Variants in LRP2 observed in about 807,000 individuals in gnomAD.
LRP2 encodes the protein low-density lipoprotein receptor-related protein 2.
Under a neutral mutation model 531.0 loss-of-function variants are expected in LRP2, and 172 were observed. The observed-to-expected ratio is 0.32, with a 90% CI of 0.29 to 0.37. The LOEUF is 0.37. LRP2 is among the 10% of genes least tolerant of loss of function. LRP2 has a pLI of 1.00. For missense variants in LRP2, 5,167 were observed against 5,868.3 expected (o/e 0.88, Z 3.90); for synonymous variants, 1,992 against 2,027.6 (o/e 0.98, Z 0.47).
At chr2:169,159,824 C>T (rs1330984724) in intron 63 of LRP2, among the ~76,000 whole-genome samples, 1 of 152,266 alleles carries the variant, frequency 6.6e-6, no homozygotes, top group Admixed American at 6.5e-5. Flanking sequence ...GTAATTTCCT[C>T]CTAGCTCTGA....
intron 1 of LRP2, among the ~76,000 whole-genome samples, chr2:169,344,859 TA>T (rs1175946125): frequency 6.6e-6 from 1 of 152,152 alleles, no homozygotes; most frequent in Non-Finnish European, 1.5e-5. Flanking sequence ...TAAAACCATA[TA>T]TTAAAAGTTT....
At chr2:169,346,484 G>A (rs146023882) in intron 1 of LRP2, among the ~76,000 whole-genome samples, 1 of 151,848 alleles carries the variant, frequency 6.6e-6, no homozygotes, top group South Asian at 2.1e-4. Context: ...CAATTGACTT[G>A]GGACATGTGT....
At position 169,247,004 on chromosome 2, in the gene LRP2, CGA is replaced by C; in HGVS notation, c.2909-20_2909-19del. The C allele has an allele frequency of 6.2e-7, 1 of 1,613,274 alleles. No homozygotes were observed. Among genetic ancestry groups the C allele is most frequent in the Non-Finnish European group, 8.5e-7 (1 of 1,179,858 alleles). On this transcript the variant is annotated intron_variant, in intron 20 of 78. Transcript: ENST00000649046. ...GTTAGAACCTGCAAAAGCAAAGCCC[CGA>C]GGGAGTCAGTCATGTACATTTTCAC...
intron 75 of LRP2, 91 bp from the exon 76 acceptor site, chr2:169,137,584 G>C: frequency 1.2e-6 from 1 of 842,338 alleles, no homozygotes. Flanking sequence ...CACAAAGAAA[G>C]GTGCCTTCCT....
intron 60 of LRP2, among the ~76,000 whole-genome samples, chr2:169,169,232 C>G (rs1390847485): frequency 6.6e-6 from 1 of 152,212 alleles, no homozygotes; most frequent in African/African-American, 2.4e-5. Context: ...CTCATCCCAC[C>G]TGAGGAGAAA....
In LRP2 at chr2:169,204,051, T is replaced by A. The variant is rs1313680630; in HGVS notation, c.7936A>T (p.Asn2646Tyr). The A allele has an allele frequency of 4.3e-6, 7 of 1,614,186 alleles. No homozygotes were observed. The highest frequency in any genetic ancestry group is 5.9e-6 in the Non-Finnish European group (7 of 1,179,992). ...GGATTGTTACACTGTTGTTTCTGGT[T>A]CTTCACAACAGTGTTGATTCCCCTG... is the stretch of plus-strand genomic sequence containing the variant. ...QPRGINTVVKNQKQQCNNPCE... is the reference protein window; with the variant it reads ...QPRGINTVVKYQKQQCNNPCE... Residue 2646 changes from asparagine to tyrosine, a missense_variant, in exon 42 of 79, where the codon AAC (asparagine) becomes TAC (tyrosine). Transcript: ENST00000649046.
Position 169,272,962 on chromosome 2 carries a change from C to A in LRP2, c.2081G>T (p.Gly694Val). The stretch of plus-strand genomic sequence containing the variant: ...GCGCTCATCTGTATCCAGTTGGAAG[C>A]CGAATGTGCACTTGCAACGGAAACC... ...GLGFRCKCTF[G>V]FQLDTDERHC... Residue 694 changes from glycine (G) to valine (V), a missense_variant, in exon 15 of 79, where the codon GGC becomes GTC. Around this residue, in one of 6 missense-constraint regions of LRP2, gnomAD observed 2,811 missense variants for 3,058.0 expected, o/e 0.92. Coordinates refer to ENST00000649046, the MANE Select transcript of LRP2 (RefSeq NM_004525.3). 6.2e-7 allele frequency: 1 copy of A among 1,613,748 alleles called. No individual in the cohort carries two copies. The highest frequency in any genetic ancestry group is 8.5e-7 in the Non-Finnish European group (1 of 1,179,760).
At chr2:169,136,511 T>C (rs192205760) in intron 76 of LRP2, among the ~76,000 whole-genome samples, 1,631 of 152,256 alleles carry the variant, frequency 0.011, 27 homozygotes, top group African/African-American at 0.037. Flanking sequence ...TGTTCCTGCC[T>C]TAACTGATGA....
At position 169,195,442 on chromosome 2, in the gene LRP2, G is replaced by A. The variant is rs552140405; in HGVS notation, c.8698+1469C>T. Among the ~76,000 whole-genome samples the A allele has an allele frequency of 6.6e-5, 10 of 152,092 alleles. No individual in the cohort carries two copies. In the East Asian group the frequency reaches 1.9e-3, roughly 29 times the overall value. On this transcript the variant is annotated intron_variant, in intron 46 of 78. Coordinates refer to ENST00000649046, the MANE Select transcript of LRP2 (RefSeq NM_004525.3). The stretch of plus-strand genomic sequence containing the variant: ...ACCTTTGAGGAGTGAGGGGATTGGA[G>A]AAGGATGAAAAAATGTAAATTTTAC...
chr2:169,274,089 C>A (rs995021034), intron 14 of LRP2, among the ~76,000 whole-genome samples: 2 of 152,122 alleles, frequency 1.3e-5, no homozygotes, highest in African/African-American at 2.4e-5. Flanking sequence ...CTTTCTTCAT[C>A]CTAAATAGAT....
intron 3 of LRP2, among the ~76,000 whole-genome samples, chr2:169,317,903 C>T (rs1307925120): frequency 3.3e-5 from 5 of 152,106 alleles, no homozygotes; most frequent in South Asian, 4.2e-4. Context: ...GTAACAAGAT[C>T]GTGTCTCTAC....
chr2:169,265,311 C>T (rs1690755204), intron 16 of LRP2, among the ~76,000 whole-genome samples: 1 of 152,028 alleles, frequency 6.6e-6, no homozygotes, highest in Non-Finnish European at 1.5e-5. Flanking sequence ...AATCTGGCAA[C>T]CAAGCCACCT....
intron 55 of LRP2, among the ~76,000 whole-genome samples, chr2:169,174,882 G>A (rs1041007454): frequency 6.8e-6 from 1 of 147,624 alleles, no homozygotes; most frequent in African/African-American, 2.5e-5. Flanking sequence ...GTTAAAAATG[G>A]GGGTGGAAAC....
At chr2:169,207,962 T>C (rs893027594) in intron 38 of LRP2, among the ~76,000 whole-genome samples, 1 of 152,224 alleles carries the variant, frequency 6.6e-6, no homozygotes, top group Non-Finnish European at 1.5e-5. Context: ...TGTTCCTATA[T>C]CTGATTCAAA....
At chr2:169,302,856 T>C (rs983641590) in intron 4 of LRP2, among the ~76,000 whole-genome samples, 4 of 152,098 alleles carry the variant, frequency 2.6e-5, no homozygotes, top group Non-Finnish European at 5.9e-5. Flanking sequence ...AAGATTTTAT[T>C]TGGACTTTGA....
intron 34 of LRP2, among the ~76,000 whole-genome samples, chr2:169,219,540 A>T (rs1688913387): frequency 6.6e-6 from 1 of 152,160 alleles, no homozygotes; most frequent in Admixed American, 6.5e-5. Context: ...TTTCTAAAAC[A>T]CAAATTTGGT....
chr2:169,348,264 T>C (rs1276863544), intron 1 of LRP2, among the ~76,000 whole-genome samples: 1 of 152,186 alleles, frequency 6.6e-6, no homozygotes, highest in Non-Finnish European at 1.5e-5. Context: ...ATTCCATCAT[T>C]CTCCTGCCTC....
chr2:169,305,451 G>C (rs960621324), intron 4 of LRP2, among the ~76,000 whole-genome samples: 1 of 152,128 alleles, frequency 6.6e-6, no homozygotes, highest in African/African-American at 2.4e-5. Context: ...TTATCAGAAA[G>C]CATAAAATAA....
At chr2:169,309,338 A>G (rs1450389238) in intron 3 of LRP2, among the ~76,000 whole-genome samples, 32 of 152,152 alleles carry the variant, frequency 2.1e-4, no homozygotes, top group Non-Finnish European at 4.4e-5. Context: ...GTTTTCTTCT[A>G]GGGTTTTTAT....
Sources: allele counts gnomAD v4.1 joint callset (sites outside exome capture counted in the v4.1 genomes callset), GRCh38; gene constraint gnomAD v4.1.1; regional missense constraint gnomAD v4.1.1; transcripts MANE v1.5; gene names NCBI Gene and HGNC (gene_info 2026-07-23, HGNC 2026-07-21).